HECW1: variants seen among roughly 807,000 people sequenced by gnomAD.
HECW1 encodes the protein HECT, C2 and WW domain containing E3 ubiquitin protein ligase 1.
A neutral mutation model predicts 182.3 loss-of-function variants in HECW1; 61 were observed. The observed-to-expected ratio is 0.33, with a 90% CI of 0.27 to 0.41. The LOEUF (loss-of-function observed/expected upper bound fraction) is 0.41, where lower values mean the gene tolerates loss of function less well. HECW1 is among the 10% of genes least tolerant of loss of function. The pLI is 1.00. For missense variants in HECW1, 1,739 were observed against 2,108.9 expected (o/e 0.82, Z 3.44); for synonymous variants, 859 against 832.6 (o/e 1.03, Z -0.55).
chr7:43,465,002 A>G (rs1336366940), intron 14 of HECW1, among the ~76,000 whole-genome samples: 1 of 151,726 alleles, frequency 6.6e-6, no homozygotes, highest in Non-Finnish European at 1.5e-5. Context: ...GAGTCTTGCT[A>G]TGTTGCCCAG....
At chr7:43,252,988 G>A (rs748958641) in intron 3 of HECW1, among the ~76,000 whole-genome samples, 25 of 152,180 alleles carry the variant, frequency 1.6e-4, no homozygotes, top group Non-Finnish European at 2.4e-4. Flanking sequence ...TTCCAGCTGC[G>A]TAACCTTGGA....
rs1375648508 is a variant in HECW1, at chr7:43,445,030, C to G, written c.1858C>G (p.Pro620Ala). The change falls in exon 11 of 30, where the codon CCC becomes GCC. Residue 620 changes from proline (P) to alanine (A), a missense_variant. Coordinates refer to ENST00000395891, the MANE Select transcript of HECW1 (RefSeq NM_015052.5). ...PSALEEDREE[P>A]EGATPGTAHP... ...TGCCCTGGAAGAGGACAGAGAAGAG[C>G]CCGAGGGGGCTACTCCAGGCACGGC... The G allele has an allele frequency of 1.3e-6, 2 of 1,565,172 alleles. No individual in the cohort carries two copies. The highest frequency in any genetic ancestry group is 2.7e-5 in the African/African-American group (2 of 74,040).
At chr7:43,156,055 A>G (rs573080278) in intron 2 of HECW1, among the ~76,000 whole-genome samples, 1 of 152,366 alleles carries the variant, frequency 6.6e-6, no homozygotes, top group African/African-American at 2.4e-5. Flanking sequence ...AGTTAAGAAC[A>G]CTTAACTGGG....
intron 26 of HECW1, among the ~76,000 whole-genome samples, chr7:43,544,038 G>A (rs948338273): frequency 6.6e-6 from 1 of 152,030 alleles, no homozygotes; most frequent in African/African-American, 2.4e-5. Context: ...ATAAATTCCA[G>A]CTGGATCAGA....
chr7:43,210,419 T>C (rs898945958), intron 2 of HECW1, among the ~76,000 whole-genome samples: 1 of 151,356 alleles, frequency 6.6e-6, no homozygotes, highest in Admixed American at 6.6e-5. Flanking sequence ...GGGCCACTGA[T>C]AGAAGACTCA....
At chr7:43,237,979 T>G (rs1382709315) in intron 2 of HECW1, among the ~76,000 whole-genome samples, 1 of 152,200 alleles carries the variant, frequency 6.6e-6, no homozygotes, top group Non-Finnish European at 1.5e-5. Flanking sequence ...GCCTGTATCC[T>G]TTGCATAATT....
chr7:43,195,776 G>T (rs1794404650), intron 2 of HECW1, among the ~76,000 whole-genome samples: 1 of 152,162 alleles, frequency 6.6e-6, no homozygotes, highest in South Asian at 2.1e-4. Context: ...TTTGCCCCAT[G>T]GATTTGGGCT....
chr7:43,228,919 C>T (rs77801021), intron 2 of HECW1, among the ~76,000 whole-genome samples: 8,198 of 152,168 alleles, frequency 0.054, 306 homozygotes, highest in Admixed American at 0.12. Flanking sequence ...CAAATGACAA[C>T]GAGGAATCTA....
chr7:43,546,927 T>A (rs2081588243), intron 26 of HECW1, among the ~76,000 whole-genome samples: 1 of 152,198 alleles, frequency 6.6e-6, no homozygotes, highest in African/African-American at 2.4e-5. Flanking sequence ...GGTGCTTTTT[T>A]TCCAGAACGG....
rs755666556 is a variant in HECW1 at position 43,507,158 on chromosome 7, G to C, written c.3653G>C (p.Arg1218Thr). The change falls in exon 22 of 30, where the codon AGA becomes ACA. Residue 1218 changes from arginine to threonine, a missense_variant. Transcript: ENST00000395891. ...GCAGGTTTACAGAGAGCCAGTGCAA[G>C]AGCCCCTTCCCCCTACCGAAGAGAC... ...NSPGLQRASARAPSPYRRDFE... is the reference protein window; with the variant it reads ...NSPGLQRASATAPSPYRRDFE... 1 of 1,613,844 alleles carries C rather than the reference G, an allele frequency of 6.2e-7. No individual in the cohort carries two copies. Among genetic ancestry groups the C allele is most frequent in the African/African-American group, 1.3e-5 (1 of 74,920 alleles).
chr7:43,550,588 C>T lies in HECW1; in HGVS notation c.4392C>T (p.Tyr1464=), dbSNP rs928067177. The stretch of plus-strand genomic sequence containing the variant: ...CCGAGGCGCTGGTGCGCGGCTTCTA[C>T]GAGGTGAGGCCCGGTGGCCTGGGGA... ...QQTEALVRGF[Y]EVVDSRLVSV... Residue 1464 remains tyrosine (Y), a synonymous_variant, in exon 27 of 30, where the codon TAC becomes TAT. Coordinates refer to ENST00000395891, the MANE Select transcript of HECW1 (RefSeq NM_015052.5). 8.8e-6 allele frequency: 14 copies of T among 1,599,868 alleles called. No individual in the cohort carries two copies. Among genetic ancestry groups the T allele is most frequent in the East Asian group, 2.3e-5 (1 of 44,280 alleles).
chr7:43,262,531 C>G (rs541820732), intron 3 of HECW1, among the ~76,000 whole-genome samples: 1 of 152,248 alleles, frequency 6.6e-6, no homozygotes, highest in East Asian at 1.9e-4. Flanking sequence ...AAACTATGTT[C>G]TTTCCCTGGT....
chr7:43,468,709 A>G lies in HECW1; in HGVS notation c.2914-211A>G, dbSNP rs971394580. ...CTAATTTTTTAAATTTTTTGTAGAG[A>G]CAGGGTCTCGCTATGTAGCCCAGGC... is the stretch of plus-strand genomic sequence containing the variant. On this transcript the variant is annotated intron_variant, in intron 15 of 29. Transcript: ENST00000395891. Among the ~76,000 whole-genome samples, 3 of 152,168 alleles carry G rather than the reference A, an allele frequency of 2.0e-5. No individual in the cohort carries two copies. The South Asian group carries it at 6.2e-4, about 32-fold the overall frequency.
chr7:43,221,531 A>G (rs569887529), intron 2 of HECW1, among the ~76,000 whole-genome samples: 36 of 125,078 alleles, frequency 2.9e-4, no homozygotes, highest in African/African-American at 1.0e-3. Context: ...ATGTCAGAGG[A>G]ATTAGGTTTT....
At chr7:43,157,548 A>T (rs1790018922) in intron 2 of HECW1, among the ~76,000 whole-genome samples, 1 of 152,164 alleles carries the variant, frequency 6.6e-6, no homozygotes, top group African/African-American at 2.4e-5. Context: ...TTATAAGGAT[A>T]AAATTGATAT....
intron 17 of HECW1, among the ~76,000 whole-genome samples, chr7:43,490,582 C>T (rs2078890902): frequency 6.6e-6 from 1 of 152,164 alleles, no homozygotes; most frequent in African/African-American, 2.4e-5. Flanking sequence ...ATTTTAACAT[C>T]TTACTCTGCA....
chr7:43,278,416 C>A (rs950122592), intron 3 of HECW1, among the ~76,000 whole-genome samples: 1 of 152,098 alleles, frequency 6.6e-6, no homozygotes, highest in Non-Finnish European at 1.5e-5. Context: ...TTCTAGCAAG[C>A]GGCAGCTCCC....
intron 6 of HECW1, among the ~76,000 whole-genome samples, chr7:43,396,152 C>A (rs1054200767): frequency 1.4e-4 from 22 of 152,216 alleles, no homozygotes; most frequent in Non-Finnish European, 2.8e-4. Flanking sequence ...AAGCAAAAAC[C>A]CTAGCTATTT....
intron 5 of HECW1, among the ~76,000 whole-genome samples, chr7:43,359,925 A>G (rs1394931950): frequency 6.6e-6 from 1 of 152,230 alleles, no homozygotes; most frequent in Non-Finnish European, 1.5e-5. Flanking sequence ...CAAATGAACT[A>G]AACTCATGTT....
Sources: allele counts gnomAD v4.1 joint callset (sites outside exome capture counted in the v4.1 genomes callset), GRCh38; gene constraint gnomAD v4.1.1; transcripts MANE v1.5; gene names NCBI Gene and HGNC (gene_info 2026-07-23, HGNC 2026-07-21).